Variants in FBXL13 observed in about 807,000 individuals in gnomAD.
FBXL13 encodes F-box and leucine-rich repeat protein 13.
FBXL13 carries 67 observed loss-of-function variants against 83.6 expected under a neutral mutation model. That is an observed-to-expected ratio of 0.80 (90% CI 0.66 to 0.98). The LOEUF (loss-of-function observed/expected upper bound fraction) is 0.98, where lower values mean the gene tolerates loss of function less well. Ranked by LOEUF, FBXL13 falls within the 50% of genes least tolerant of loss-of-function variation. The pLI is 0.00. For missense variants in FBXL13, 822 were observed against 866.5 expected (o/e 0.95, Z 0.64); for synonymous variants, 272 against 299.5 (o/e 0.91, Z 0.95).
At chr7:103,069,220 G>A (rs564854334) in intron 1 of FBXL13, among the ~76,000 whole-genome samples, 20 of 149,502 alleles carry the variant, frequency 1.3e-4, no homozygotes, top group Non-Finnish European at 2.2e-4. Context: ...AGAGAGGAGC[G>A]CCTCTGCCCA....
chr7:103,010,448 C>A lies in FBXL13; in HGVS notation c.495+14615G>T, dbSNP rs1791478454. 2.0e-5 allele frequency among the ~76,000 whole-genome samples: 3 copies of A among 151,496 alleles called. No homozygotes were observed. The South Asian group carries it at 6.3e-4, about 32-fold the overall frequency. ...GTGCAGACTCCTATTGCCCTGGAAA[C>A]ACCTGGATGGCAGGGTGGGCAACTC... is the stretch of plus-strand genomic sequence containing the variant. On this transcript the variant is annotated intron_variant, in intron 6 of 19. Coordinates refer to ENST00000313221, the Ensembl canonical transcript of FBXL13.
At chr7:102,917,433 G>A (rs949468062) in intron 10 of FBXL13, among the ~76,000 whole-genome samples, 2 of 152,130 alleles carry the variant, frequency 1.3e-5, no homozygotes, top group Non-Finnish European at 2.9e-5. Flanking sequence ...CATACTAGTT[G>A]ATCAATACAT....
intron 11 of FBXL13, among the ~76,000 whole-genome samples, chr7:102,910,520 G>C (rs1814487002): frequency 6.6e-6 from 1 of 151,706 alleles, no homozygotes; most frequent in Admixed American, 6.6e-5. Flanking sequence ...TTTCCAGTTT[G>C]TCACGGGCTC....
intron 8 of FBXL13, chr7:102,944,603 G>A (rs1262795017): frequency 4.4e-6 from 7 of 1,592,652 alleles, no homozygotes; most frequent in Non-Finnish European, 5.1e-6. Context: ...ACTATAGTAG[G>A]ATAAGGTAGA....
chr7:102,934,334 A>C, intron 8 of FBXL13: 1 of 1,614,112 alleles, frequency 6.2e-7, no homozygotes, highest in African/African-American at 1.3e-5. Flanking sequence ...GCACAACCAG[A>C]TCAAAGTCTT....
At chr7:102,949,884 T>C (rs1823142004) in intron 8 of FBXL13, among the ~76,000 whole-genome samples, 1 of 152,132 alleles carries the variant, frequency 6.6e-6, no homozygotes, top group African/African-American at 2.4e-5. Flanking sequence ...GGCAGGCAGA[T>C]CACTTGACGT....
chr7:103,074,628 T>G (rs184006289), upstream of FBXL13: 301 of 1,261,996 alleles, frequency 2.4e-4, 3 homozygotes, highest in African/African-American at 4.0e-3. Context: ...CCGGGAAGTC[T>G]TTCCTGACTC....
At chr7:102,814,586 T>TC (rs1797740134) in intron 19 of FBXL13, among the ~76,000 whole-genome samples, 1 of 152,236 alleles carries the variant, frequency 6.6e-6, no homozygotes, top group African/African-American at 2.4e-5. Context: ...TAATTCTGCC[T>TC]CTAAGCACAT....
At chr7:102,851,444 C>CTTCG in intron 17 of FBXL13, among the ~76,000 whole-genome samples, 1 of 149,778 alleles carries the variant, frequency 6.7e-6, no homozygotes, top group Admixed American at 6.6e-5. Flanking sequence ...TTCTTCCCTC[C>CTTCG]TTCCTTCCTT....
intron 6 of FBXL13, among the ~76,000 whole-genome samples, chr7:103,012,341 C>T (rs1161904834): frequency 6.7e-6 from 1 of 149,818 alleles, no homozygotes; most frequent in African/African-American, 2.5e-5. Flanking sequence ...TGCCATTGCA[C>T]TCCAGCCTGG....
intron 6 of FBXL13, among the ~76,000 whole-genome samples, chr7:102,970,832 T>C (rs1826556757): frequency 6.6e-6 from 1 of 152,178 alleles, no homozygotes; most frequent in African/African-American, 2.4e-5. Flanking sequence ...AAATAGCAGA[T>C]GCGACTCAGC....
At chr7:102,955,752 C>G (rs1824163707) in intron 8 of FBXL13, among the ~76,000 whole-genome samples, 1 of 151,998 alleles carries the variant, frequency 6.6e-6, no homozygotes, top group Non-Finnish European at 1.5e-5. Context: ...ACACTATAAA[C>G]ACCTCTATGC....
intron 1 of FBXL13, among the ~76,000 whole-genome samples, chr7:103,064,124 G>C (rs952527932): frequency 7.9e-5 from 12 of 152,144 alleles, no homozygotes; most frequent in African/African-American, 2.9e-4. Context: ...AATGTTCCCA[G>C]GACTAAGTGC....
intron 1 of FBXL13, among the ~76,000 whole-genome samples, chr7:103,056,391 T>C (rs1010576400): frequency 6.6e-6 from 1 of 152,158 alleles, no homozygotes; most frequent in Non-Finnish European, 1.5e-5. Flanking sequence ...AATAGTGGGA[T>C]TGTTATCCCA....
At chr7:102,973,030 C>T (rs1386986181) in intron 6 of FBXL13, 3 of 156,822 alleles carry the variant, frequency 1.9e-5, no homozygotes, top group Admixed American at 1.3e-4. Context: ...GAAATCACCA[C>T]CTCACATAAT....
rs771849822 is a variant in FBXL13 at position 102,913,214 on chromosome 7, G to T, written c.880C>A (p.His294Asn). The change falls in exon 11 of 20, where the codon CAC becomes AAC. Residue 294 changes from histidine to asparagine, a missense_variant and splice_region_variant. Physicochemically the swap from His to Asn is moderately conservative, Grantham distance 68. Coordinates refer to ENST00000313221, the Ensembl canonical transcript of FBXL13. ...CTAAGATTCTGTAAGTTGTGGAAGT[G>T]CCTGAAAAGACAAAAGAGAGGAAGG... 6 of 1,613,962 alleles carry T rather than the reference G, an allele frequency of 3.7e-6. No individual in the cohort carries two copies. The African/African-American group carries it at 6.7e-5, about 18-fold the overall frequency.
At chr7:103,029,963 C>T (rs1259204767) in intron 2 of FBXL13, 1 of 152,172 alleles carries the variant, frequency 6.6e-6, no homozygotes, top group East Asian at 1.9e-4. Context: ...CAACAGCTAA[C>T]TGAAATCATC....
intron 2 of FBXL13, among the ~76,000 whole-genome samples, chr7:103,041,523 A>T (rs542931252): frequency 6.6e-6 from 1 of 152,366 alleles, no homozygotes; most frequent in East Asian, 1.9e-4. Flanking sequence ...AAACTAAAAA[A>T]GAGAATTTTA....
At chr7:102,959,806 G>A (rs1397659094) in intron 8 of FBXL13, among the ~76,000 whole-genome samples, 1 of 152,028 alleles carries the variant, frequency 6.6e-6, no homozygotes, top group East Asian at 1.9e-4. Flanking sequence ...TAATCTCAAT[G>A]TCCATCAAAT....
Sources: gnomAD v4.1 joint callset for allele counts (sites outside exome capture counted in the v4.1 genomes callset) on GRCh38, gnomAD v4.1.1 for gene constraint, MANE v1.5 for transcripts, NCBI Gene and HGNC (gene_info 2026-07-23, HGNC 2026-07-21) for gene names.